The following SPINK5 variants were observed in gnomAD, a reference collection of about 807,000 sequenced individuals.
SPINK5 encodes serine peptidase inhibitor Kazal type 5, also known as serine protease inhibitor Kazal-type 5.
SPINK5 carries 125 observed loss-of-function variants against 151.8 expected under a neutral mutation model. The ratio of observed to expected loss-of-function variants is 0.82; its 90% CI spans 0.71 to 0.96. The LOEUF is 0.96. Among genes scored for constraint, SPINK5 ranks in the 40% least tolerant of loss-of-function variants. SPINK5 has a pLI of 0.00. For synonymous variants in SPINK5, 374 were observed against 395.3 expected (o/e 0.95, Z 0.64); for missense variants, 1,194 against 1,291.9 (o/e 0.92, Z 1.16).
intron 4 of SPINK5, among the ~76,000 whole-genome samples, chr5:148,082,367 G>A (rs893755867): frequency 1.3e-5 from 2 of 150,720 alleles, no homozygotes; most frequent in African/African-American, 4.8e-5. Flanking sequence ...TATACTTTAA[G>A]TATTTCTATT....
At chr5:148,119,914 C>A in intron 24 of SPINK5, 95 bp from the exon 25 acceptor site, 2 of 1,437,424 alleles carry the variant, frequency 1.4e-6, no homozygotes, top group Non-Finnish European at 1.9e-6. Context: ...GGTTACATGG[C>A]TGCCTGACTC....
chr5:148,128,582 G>A (rs1378182782), intron 30 of SPINK5, among the ~76,000 whole-genome samples: 1 of 152,116 alleles, frequency 6.6e-6, no homozygotes, highest in Non-Finnish European at 1.5e-5. Flanking sequence ...AGGCCGGAGT[G>A]CAGTGGCGCG....
At chr5:148,073,800 A>G (rs1373186216) in intron 4 of SPINK5, among the ~76,000 whole-genome samples, 2 of 144,146 alleles carry the variant, frequency 1.4e-5, no homozygotes, top group Admixed American at 7.1e-5. Context: ...TTTTGTTAAT[A>G]TATTATGCCT....
chr5:148,073,861 C>CACACAA (rs1554102423), intron 4 of SPINK5, among the ~76,000 whole-genome samples: 1 of 103,152 alleles, frequency 9.7e-6, no homozygotes, highest in African/African-American at 3.8e-5. Flanking sequence ...CACACACACA[C>CACACAA]AAAACTGTAA....
At chr5:148,115,059 C>T (rs1015294827) in intron 21 of SPINK5, among the ~76,000 whole-genome samples, 11 of 151,958 alleles carry the variant, frequency 7.2e-5, no homozygotes, top group South Asian at 2.1e-4. Context: ...TAGTCACAGA[C>T]GTAAGGTAAT....
chr5:148,101,264 G>T, intron 13 of SPINK5, 91 bp from the exon 14 acceptor site: 1 of 932,018 alleles, frequency 1.1e-6, no homozygotes, highest in Non-Finnish European at 1.7e-6. Flanking sequence ...TTTAATCGTT[G>T]TTAAGTGTAA....
rs1753842768 is a variant in SPINK5 at position 148,108,734 on chromosome 5, T to A, written c.1608-19T>A. ...AGTAGGGAATCATATTCAGCCTATA[T>A]CTTCTTTTTCTATTACAGCAAACTT... On this transcript the variant is annotated intron_variant, in intron 17 of 32. Transcript: ENST00000256084. 1 of 1,608,894 alleles carries A rather than the reference T, an allele frequency of 6.2e-7. No homozygotes were observed. The highest frequency in any genetic ancestry group is 2.2e-5 in the East Asian group (1 of 44,668).
intron 16 of SPINK5, 114 bp from the exon 17 acceptor site, chr5:148,106,920 CTAT>C (rs145381115): frequency 7.6e-7 from 1 of 1,323,476 alleles, no homozygotes; most frequent in East Asian, 2.7e-5. Flanking sequence ...TGATTTACTA[CTAT>C]GTGTTATCAC....
intron 4 of SPINK5, among the ~76,000 whole-genome samples, chr5:148,085,636 T>C (rs148072075): frequency 1.1e-3 from 174 of 152,066 alleles, no homozygotes; most frequent in Middle Eastern, 3.4e-3. Context: ...TCTTCAGTTA[T>C]TACTTTGTAC....
rs761072369 is a variant in SPINK5 at position 148,064,111 on chromosome 5, G to A, written c.55+12G>A. 17 of 1,614,078 alleles carry A rather than the reference G, an allele frequency of 1.1e-5. No individual in the cohort carries two copies. In the South Asian group the frequency reaches 1.8e-4, roughly 17 times the overall value. The stretch of plus-strand genomic sequence containing the variant: ...TTGCCTCATACAAGGTGAGCAATTT[G>A]TGTGTAATCTAAGCCTCTTGCCACA... On this transcript the variant is annotated intron_variant, in intron 1 of 32. Transcript: ENST00000256084.
At chr5:148,065,396 T>C in intron 2 of SPINK5, 24 bp downstream of exon 2, 2 of 1,613,090 alleles carry the variant, frequency 1.2e-6, no homozygotes, top group South Asian at 1.1e-5. Context: ...TTTCTGTTCA[T>C]TGAATTCATT....
At chr5:148,098,409 TG>T (rs530736614) in intron 11 of SPINK5, among the ~76,000 whole-genome samples, 249 of 152,220 alleles carry the variant, frequency 1.6e-3, no homozygotes, top group African/African-American at 5.8e-3. Flanking sequence ...AAAATTACAA[TG>T]GGTATTATTT....
At chr5:148,123,799 T>C (rs1393979462) in intron 26 of SPINK5, 34 bp from the exon 27 acceptor site, 12 of 1,613,488 alleles carry the variant, frequency 7.4e-6, no homozygotes, top group African/African-American at 1.3e-5. Context: ...GATTATACCA[T>C]GACAGTAACA....
chr5:148,121,992 T>C (rs1055841186), intron 26 of SPINK5, among the ~76,000 whole-genome samples: 3 of 131,496 alleles, frequency 2.3e-5, no homozygotes, highest in African/African-American at 7.5e-5. Flanking sequence ...AATATTGAGA[T>C]TGTGTGTGAG....
chr5:148,065,545 T>TCTCACA (rs1486959592), intron 2 of SPINK5, 173 bp downstream of exon 2: 1 of 599,052 alleles, frequency 1.7e-6, no homozygotes, highest in African/African-American at 1.9e-5. Context: ...AGCCTCTCTC[T>TCTCACA]CACACACACA....
chr5:148,120,275 T>A lies in SPINK5; in HGVS notation c.2442-20T>A. On this transcript the variant is annotated intron_variant, in intron 25 of 32. Transcript: ENST00000256084. ...GCGTTTGTTCACTTTGATTGAAATG[T>A]TTCATTGTTTTCCCCCCAGGGAAAG... The A allele has an allele frequency of 6.2e-7, 1 of 1,605,076 alleles. No homozygotes were observed. Among genetic ancestry groups the A allele is most frequent in the Non-Finnish European group, 8.5e-7 (1 of 1,174,912 alleles).
intron 10 of SPINK5, 47 bp downstream of exon 10, chr5:148,095,952 G>A: frequency 7.1e-7 from 1 of 1,404,076 alleles, no homozygotes. Flanking sequence ...GTGTGTGTGG[G>A]GGGGTGCGTG....
At position 148,125,850 on chromosome 5, in the gene SPINK5, TGTGA is replaced by T. The variant is rs1754417966; in HGVS notation, c.2867+3_2867+6del. On this transcript the variant is annotated splice_donor_variant and splice_donor_region_variant and intron_variant, in intron 29 of 32. Coordinates refer to ENST00000256084, the MANE Select transcript of SPINK5 (RefSeq NM_006846.4). LOFTEE classifies it high-confidence loss of function. ...AAGTGCTACATGTGCAGAGCTGTCT[TGTGA>T]GTAAGAGGATTCTGCTCCCCCTGTA... is the stretch of plus-strand genomic sequence containing the variant. The T allele has an allele frequency of 6.2e-7, 1 of 1,614,038 alleles. No homozygotes were observed.
chr5:148,126,851 C>T (rs1186192459), intron 29 of SPINK5, 132 bp from the exon 30 acceptor site: 1 of 719,866 alleles, frequency 1.4e-6, no homozygotes, highest in Non-Finnish European at 2.2e-6. Context: ...CTGGGCCTTC[C>T]AAAATGCTGG....
Sources: allele counts gnomAD v4.1 joint callset (sites outside exome capture counted in the v4.1 genomes callset), GRCh38; gene constraint gnomAD v4.1.1; transcripts MANE v1.5; gene names NCBI Gene and HGNC (gene_info 2026-07-23, HGNC 2026-07-21).